Variants in DAW1 observed in about 807,000 individuals in gnomAD.
DAW1 encodes the protein dynein assembly factor with WD repeat domains 1.
A neutral mutation model predicts 56.5 loss-of-function variants in DAW1; 47 were observed. The ratio of observed to expected loss-of-function variants is 0.83; its 90% CI spans 0.66 to 1.06. The LOEUF (loss-of-function observed/expected upper bound fraction) is 1.06. Among genes scored for constraint, DAW1 ranks in the 50% least tolerant of loss-of-function variants. The probability of loss-of-function intolerance (pLI) is 0.00; values close to 1 mark genes in which losing one functional copy is unlikely to be tolerated. For missense variants in DAW1, 505 were observed against 499.3 expected, an observed-to-expected ratio of 1.01 and a Z score of -0.11; for synonymous variants, 190 against 179.0, an observed-to-expected ratio of 1.06 and a Z score of -0.49.
At chr2:227,888,190 G>A (rs1691174881) in intron 2 of DAW1, among the ~76,000 whole-genome samples, 1 of 152,182 alleles carries the variant, frequency 6.6e-6, no homozygotes, top group Non-Finnish European at 1.5e-5. Context: ...TAAAGCAATA[G>A]TACCAACTCA....
chr2:227,877,505 T>C (rs565770712), intron 1 of DAW1, among the ~76,000 whole-genome samples: 15 of 152,324 alleles, frequency 9.8e-5, no homozygotes, highest in African/African-American at 3.6e-4. Flanking sequence ...CTTTTGCTCA[T>C]ATTGGAGCTC....
intron 1 of DAW1, among the ~76,000 whole-genome samples, chr2:227,884,796 A>G (rs760747220): frequency 2.0e-5 from 3 of 152,102 alleles, no homozygotes; most frequent in Non-Finnish European, 4.4e-5. Context: ...TTGCAAGTGG[A>G]TAGGACTGTC....
At chr2:227,885,535 GTTC>G in intron 2 of DAW1, 112 bp downstream of exon 2, 1 of 715,842 alleles carries the variant, frequency 1.4e-6, no homozygotes, top group Non-Finnish European at 2.1e-6. Flanking sequence ...TTTAAAAATT[GTTC>G]TTCTGTGGTG....
At chr2:227,888,541 C>T (rs888367017) in intron 2 of DAW1, among the ~76,000 whole-genome samples, 1 of 152,192 alleles carries the variant, frequency 6.6e-6, no homozygotes, top group African/African-American at 2.4e-5. Context: ...TTGCTCTGCC[C>T]CTGCTCAGCT....
intron 10 of DAW1, among the ~76,000 whole-genome samples, chr2:227,911,592 C>A (rs1427424529): frequency 6.6e-6 from 1 of 151,988 alleles, no homozygotes; most frequent in African/African-American, 2.4e-5. Flanking sequence ...AAGGGCTGTG[C>A]TATACCTTAT....
At chr2:227,907,731 A>G (rs778256658) in intron 10 of DAW1, among the ~76,000 whole-genome samples, 1 of 152,106 alleles carries the variant, frequency 6.6e-6, no homozygotes, top group Non-Finnish European at 1.5e-5. Flanking sequence ...TATTTTTAGT[A>G]GAGACGGGGT....
At chr2:227,907,032 T>G (rs929520939) in intron 9 of DAW1, 106 bp from the exon 10 acceptor site, 1 of 695,062 alleles carries the variant, frequency 1.4e-6, no homozygotes, top group Middle Eastern at 2.7e-4. Flanking sequence ...TTTTGCACAG[T>G]TATTTAACCA....
Position 227,889,818 on chromosome 2 carries a change from C to G in DAW1, c.114-38C>G, listed in dbSNP as rs144708880. Reference sequence around the variant, plus strand: ...TAATATAGGTATATGCAAATTTTGACATAAAATAAAAGAAACTCTTTTTTG... The same window carrying G: ...TAATATAGGTATATGCAAATTTTGAGATAAAATAAAAGAAACTCTTTTTTG... On this transcript the variant is annotated intron_variant, in intron 2 of 12. Transcript: ENST00000309931. 584 of 1,516,306 alleles carry G rather than the reference C, an allele frequency of 3.9e-4. 2 individuals are homozygous for G. In the African/African-American group the frequency reaches 7.1e-3, roughly 18 times the overall value. The allele number at this position is 1,516,306 out of a possible 1,614,324, so 93.9% of individuals were successfully genotyped here. A position where few individuals can be genotyped will look rare whatever the true frequency, so the allele number is the denominator to read the frequency against.
intron 3 of DAW1, among the ~76,000 whole-genome samples, 200 bp downstream of exon 3, chr2:227,890,200 A>G (rs1160713511): frequency 6.6e-6 from 1 of 152,232 alleles, no homozygotes. Flanking sequence ...TTATTCCTTG[A>G]GAGGTTAAAT....
chr2:227,896,593 AGTGTGTGTGT>A (rs5839240), intron 5 of DAW1, among the ~76,000 whole-genome samples: 17 of 143,672 alleles, frequency 1.2e-4, no homozygotes, highest in African/African-American at 1.8e-4. Flanking sequence ...AATAAGAGGG[AGTGTGTGTGT>A]GTGTGTGTGT....
intron 10 of DAW1, among the ~76,000 whole-genome samples, chr2:227,917,109 A>G (rs1388726458): frequency 6.9e-6 from 1 of 145,044 alleles, no homozygotes; most frequent in Non-Finnish European, 1.5e-5. Flanking sequence ...ACCATGCATG[A>G]CAGTATCTAT....
At chr2:227,900,066 A>G (rs1691502709) in intron 6 of DAW1, among the ~76,000 whole-genome samples, 1 of 152,206 alleles carries the variant, frequency 6.6e-6, no homozygotes, top group African/African-American at 2.4e-5. Flanking sequence ...AGTGAAACAT[A>G]ACTGACCCTT....
chr2:227,880,962 C>T (rs770544181), intron 1 of DAW1, among the ~76,000 whole-genome samples: 5 of 151,828 alleles, frequency 3.3e-5, no homozygotes, highest in African/African-American at 7.3e-5. Context: ...TAAGGTGAGA[C>T]GAGAAGAATC....
At chr2:227,880,490 T>A (rs1690986077) in intron 1 of DAW1, among the ~76,000 whole-genome samples, 1 of 152,152 alleles carries the variant, frequency 6.6e-6, no homozygotes, top group Non-Finnish European at 1.5e-5. Flanking sequence ...GTTTCAGGTC[T>A]TTAGTACAAA....
intron 10 of DAW1, among the ~76,000 whole-genome samples, chr2:227,917,292 G>T (rs1691978056): frequency 6.7e-6 from 1 of 148,732 alleles, no homozygotes; most frequent in African/African-American, 2.5e-5. Flanking sequence ...ATGGAGTCTT[G>T]CTCTTTCGCC....
At chr2:227,907,875 C>A (rs963669436) in intron 10 of DAW1, among the ~76,000 whole-genome samples, 1 of 152,310 alleles carries the variant, frequency 6.6e-6, no homozygotes, top group Middle Eastern at 3.4e-3. Flanking sequence ...TGATGTTACC[C>A]TATGTTGGCC....
intron 10 of DAW1, among the ~76,000 whole-genome samples, chr2:227,913,848 C>T (rs139404664): frequency 7.6e-4 from 114 of 149,342 alleles, no homozygotes; most frequent in African/African-American, 2.6e-3. Context: ...CATGTCTACA[C>T]CTTCTGCCAG....
intron 1 of DAW1, among the ~76,000 whole-genome samples, chr2:227,879,849 T>C (rs1404462597): frequency 6.6e-6 from 1 of 152,162 alleles, no homozygotes; most frequent in Non-Finnish European, 1.5e-5. Flanking sequence ...CTCTATTAAC[T>C]TGAAATATTA....
At chr2:227,910,415 C>T (rs759507136) in intron 10 of DAW1, among the ~76,000 whole-genome samples, 12 of 151,412 alleles carry the variant, frequency 7.9e-5, no homozygotes, top group East Asian at 2.0e-4. Flanking sequence ...AAGGTTACAG[C>T]GAACTATGAT....
Sources: gnomAD v4.1 joint callset for allele counts (sites outside exome capture counted in the v4.1 genomes callset) on GRCh38, gnomAD v4.1.1 for gene constraint, MANE v1.5 for transcripts, NCBI Gene and HGNC (gene_info 2026-07-23, HGNC 2026-07-21) for gene names.